The following USH2A variants were observed in gnomAD, a reference collection of about 807,000 sequenced individuals.
The protein encoded by USH2A is usherin.
In USH2A, 443 loss-of-function variants were observed where a neutral mutation model predicts 538.9. The ratio of observed to expected loss-of-function variants is 0.82; its 90% confidence interval spans 0.76 to 0.89. USH2A has a LOEUF of 0.89. Among genes scored for constraint, USH2A ranks in the 40% least tolerant of loss-of-function variants. The probability of loss-of-function intolerance (pLI) is 0.00; values close to 1 mark genes in which losing one functional copy is unlikely to be tolerated. For synonymous variants in USH2A, 2,413 were observed against 2,273.5 expected (o/e 1.06, Z -1.75); for missense variants, 6,633 against 6,324.8 (o/e 1.05, Z -1.65).
At chr1:216,224,224 G>C (rs952434817) in intron 14 of USH2A, among the ~76,000 whole-genome samples, 8 of 152,142 alleles carry the variant, frequency 5.3e-5, no homozygotes, top group Non-Finnish European at 1.2e-4. Context: ...AGTCCTGGGG[G>C]CTATGGGGGA....
intron 11 of USH2A, among the ~76,000 whole-genome samples, chr1:216,278,071 A>C (rs920968915): frequency 1.3e-4 from 20 of 152,116 alleles, no homozygotes; most frequent in Non-Finnish European, 2.4e-4. Flanking sequence ...ATTATCTTGC[A>C]CTTACTAGTT....
intron 61 of USH2A, among the ~76,000 whole-genome samples, chr1:215,700,049 C>T (rs761967379): frequency 6.6e-6 from 1 of 152,120 alleles, no homozygotes; most frequent in Non-Finnish European, 1.5e-5. Flanking sequence ...GCCTTTTCTG[C>T]ATCTATTGAG....
intron 21 of USH2A, 128 bp from the exon 22 acceptor site, chr1:216,097,341 T>G: frequency 6.6e-7 from 1 of 1,521,996 alleles, no homozygotes; most frequent in Non-Finnish European, 9.0e-7. Flanking sequence ...CACAGCAATA[T>G]ACTCGCATGG....
At chr1:216,219,404 A>C (rs1392160005) in intron 14 of USH2A, among the ~76,000 whole-genome samples, 1 of 152,088 alleles carries the variant, frequency 6.6e-6, no homozygotes, top group Non-Finnish European at 1.5e-5. Context: ...GTAATTAAGG[A>C]TTAAGCAAAA....
chr1:216,357,624 A>G (rs1310963135), intron 4 of USH2A, among the ~76,000 whole-genome samples: 1 of 152,178 alleles, frequency 6.6e-6, no homozygotes, highest in Non-Finnish European at 1.5e-5. Context: ...ACAAATATTT[A>G]TTGATTCCTT....
At position 216,217,562 on chromosome 1, in the gene USH2A, G is replaced by A. The variant is rs2035367604; in HGVS notation, c.2994-12C>T. ...TACAAGGCTGACATCTGAAAACAAG[G>A]CAAATAAACCATCAAAGAGAATAGT... On this transcript the variant is annotated splice_polypyrimidine_tract_variant and intron_variant, in intron 14 of 71. Coordinates refer to ENST00000307340, the MANE Select transcript of USH2A (RefSeq NM_206933.4). The A allele has an allele frequency of 1.2e-6, 2 of 1,612,292 alleles. No homozygotes were observed. The highest frequency in any genetic ancestry group is 3.3e-5 in the Admixed American group (2 of 59,868).
At chr1:216,046,631 A>G in intron 31 of USH2A, 39 bp from the exon 32 acceptor site, 2 of 1,612,036 alleles carry the variant, frequency 1.2e-6, no homozygotes, top group Non-Finnish European at 1.7e-6. Context: ...ATTTTAGTTT[A>G]CTTTTCTAAT....
rs528342000 is a variant in USH2A, at chr1:215,813,787, C to A, written c.9688G>T (p.Ala3230Ser). The A allele has an allele frequency of 1.8e-5, 29 of 1,613,900 alleles. No homozygotes were observed. Among genetic ancestry groups the A allele is most frequent in the Non-Finnish European group, 2.3e-5 (27 of 1,179,872 alleles). ...GVCCGGRIQEAQPNHQCCSGY... is the reference protein window; with the variant it reads ...GVCCGGRIQESQPNHQCCSGY... ...GAGCAGCACTGATGATTTGGTTGTGCCTCCTGTATTCGGCCACCACAACAA... is the reference window on the plus strand; with the variant it reads ...GAGCAGCACTGATGATTTGGTTGTGACTCCTGTATTCGGCCACCACAACAA... The change falls in exon 49 of 72, where the codon GCA becomes TCA. Residue 3230 changes from alanine to serine, a missense_variant. By Grantham distance (99) the Ala-to-Ser change is moderately conservative (BLOSUM62 1). Transcript: ENST00000307340.
chr1:215,704,403 G>A (rs1389880211), intron 61 of USH2A, among the ~76,000 whole-genome samples: 2 of 152,226 alleles, frequency 1.3e-5, no homozygotes, highest in East Asian at 3.8e-4. Flanking sequence ...AACTGCTTAT[G>A]AACTTTGGAC....
intron 21 of USH2A, among the ~76,000 whole-genome samples, chr1:216,098,133 A>G (rs74143954): frequency 0.016 from 2,320 of 144,514 alleles, 61 homozygotes; most frequent in African/African-American, 0.062. Context: ...CCCCATCTCC[A>G]GTCCTACCAT....
intron 35 of USH2A, 138 bp downstream of exon 35, chr1:215,992,882 G>A: frequency 7.1e-7 from 1 of 1,402,956 alleles, no homozygotes; most frequent in Non-Finnish European, 9.8e-7. Flanking sequence ...CCCAACTAGA[G>A]ACAATGATAC....
chr1:215,721,779 T>G lies in USH2A; in HGVS notation c.12066+6251A>C, dbSNP rs536608707. On this transcript the variant is annotated intron_variant, in intron 61 of 71. Transcript: ENST00000307340. Reference sequence around the variant, plus strand: ...CTAAAATATCATCACAACTAAAAAGTTTTGCCATGGTCAGTGGCTCAAGCC... The same window carrying G: ...CTAAAATATCATCACAACTAAAAAGGTTTGCCATGGTCAGTGGCTCAAGCC... 3.9e-5 allele frequency among the ~76,000 whole-genome samples: 6 copies of G among 152,212 alleles called. No homozygotes were observed. The South Asian group carries it at 1.2e-3, about 32-fold the overall frequency.
intron 63 of USH2A, among the ~76,000 whole-genome samples, chr1:215,671,606 T>C (rs1420206801): frequency 6.6e-6 from 1 of 152,140 alleles, no homozygotes; most frequent in African/African-American, 2.4e-5. Flanking sequence ...TCCTGATCTG[T>C]TCGAAAGGGG....
At chr1:216,293,130 T>G (rs2037036808) in intron 9 of USH2A, among the ~76,000 whole-genome samples, 1 of 151,422 alleles carries the variant, frequency 6.6e-6, no homozygotes, top group Non-Finnish European at 1.5e-5. Context: ...GTTCAAGCGA[T>G]TCTCCCGCCT....
chr1:215,867,370 A>T (rs1664502970), intron 43 of USH2A, among the ~76,000 whole-genome samples, 200 bp from the exon 44 acceptor site: 1 of 152,242 alleles, frequency 6.6e-6, no homozygotes, highest in Non-Finnish European at 1.5e-5. Context: ...GTGACTTGCC[A>T]GCATAAACCA....
At chr1:215,787,068 A>T (rs2102767274) in intron 51 of USH2A, among the ~76,000 whole-genome samples, 194 bp from the exon 52 acceptor site, 1 of 152,320 alleles carries the variant, frequency 6.6e-6, no homozygotes, top group Non-Finnish European at 1.5e-5. Context: ...AATGTCACAA[A>T]TTGGGATTAA....
At chr1:216,289,219 A>G (rs2036948453) in intron 11 of USH2A, 61 bp downstream of exon 11, 3 of 1,610,212 alleles carry the variant, frequency 1.9e-6, no homozygotes, top group Non-Finnish European at 2.5e-6. Context: ...GTGGAATAAC[A>G]TCCAAATAAG....
At chr1:216,146,002 A>G (rs1163888137) in intron 21 of USH2A, among the ~76,000 whole-genome samples, 3 of 152,116 alleles carry the variant, frequency 2.0e-5, no homozygotes, top group South Asian at 2.1e-4. Context: ...AAACAGCTTT[A>G]TTGCTCACAC....
At chr1:215,630,184 G>C (rs1656217542) in intron 70 of USH2A, 2 of 495,728 alleles carry the variant, frequency 4.0e-6, no homozygotes, top group Non-Finnish European at 8.1e-6. Context: ...AGCACACAGA[G>C]GTACCTCAAA....
Sources: gnomAD v4.1 joint callset for allele counts (sites outside exome capture counted in the v4.1 genomes callset) on GRCh38, gnomAD v4.1.1 for gene constraint, MANE v1.5 for transcripts, NCBI Gene and HGNC (gene_info 2026-07-23, HGNC 2026-07-21) for gene names.